TENM4: variants seen among roughly 807,000 people sequenced by gnomAD.
The protein encoded by TENM4 is teneurin-4.
Under a neutral mutation model 243.3 loss-of-function variants are expected in TENM4, and 82 were observed. That is an observed-to-expected ratio of 0.34 (90% confidence interval 0.28 to 0.40). The LOEUF (loss-of-function observed/expected upper bound fraction) is 0.40, where lower values mean the gene tolerates loss of function less well. Ranked by LOEUF, TENM4 falls within the 10% of genes least tolerant of loss-of-function variation. TENM4 has a pLI of 1.00. For synonymous variants in TENM4, 1,412 were observed against 1,456.3 expected (o/e 0.97, Z 0.69); for missense variants, 3,138 against 3,673.3 (o/e 0.85, Z 3.77).
chr11:78,993,368 G>A (rs1189938369), intron 6 of TENM4, among the ~76,000 whole-genome samples: 2 of 152,108 alleles, frequency 1.3e-5, no homozygotes, highest in Non-Finnish European at 2.9e-5. Flanking sequence ...TTACGGTTTT[G>A]TGTTTATTCC....
At chr11:79,063,331 C>CA in intron 6 of TENM4, among the ~76,000 whole-genome samples, 1 of 152,284 alleles carries the variant, frequency 6.6e-6, no homozygotes, top group African/African-American at 2.4e-5. Flanking sequence ...AGGGGAATCC[C>CA]GGGCAGGAAT....
intron 20 of TENM4, among the ~76,000 whole-genome samples, chr11:78,737,751 A>G (rs74725190): frequency 0.013 from 2,047 of 152,294 alleles, 23 homozygotes; most frequent in Non-Finnish European, 0.02. Flanking sequence ...AATAGCTAAT[A>G]TTTATTGTAT....
At chr11:78,830,703 C>A (rs1436281771) in intron 12 of TENM4, among the ~76,000 whole-genome samples, 1 of 152,168 alleles carries the variant, frequency 6.6e-6, no homozygotes, top group Non-Finnish European at 1.5e-5. Context: ...CTGAGTGTAA[C>A]CTCGCTTTCC....
chr11:78,944,355 C>A (rs1856968466), intron 6 of TENM4, among the ~76,000 whole-genome samples: 2 of 152,174 alleles, frequency 1.3e-5, no homozygotes, highest in Non-Finnish European at 2.9e-5. Context: ...TGATGAAGAT[C>A]ATTTTCCCTA....
At chr11:79,356,081 G>A (rs1303050914) in intron 1 of TENM4, among the ~76,000 whole-genome samples, 1 of 152,172 alleles carries the variant, frequency 6.6e-6, no homozygotes, top group East Asian at 1.9e-4. Flanking sequence ...CTCATCAGTG[G>A]TCAGGATGAT....
chr11:79,152,111 A>G lies in TENM4; in HGVS notation c.-162-3305T>C, dbSNP rs574082129. ...TTCCATCCTCTCTCCACTCCTCAAA[A>G]TTGAGGACTAGAAAAGAAACGCAAT... On this transcript the variant is annotated intron_variant, in intron 3 of 33. Transcript: ENST00000278550. Among the ~76,000 whole-genome samples the G allele has an allele frequency of 2.0e-5, 3 of 152,232 alleles. No individual in the cohort carries two copies. The South Asian group carries it at 6.2e-4, about 32-fold the overall frequency.
rs535493805 is a variant in TENM4 at position 78,770,238 on chromosome 11, A to T, written c.2539+754T>A. On this transcript the variant is annotated intron_variant, in intron 18 of 33. Coordinates refer to ENST00000278550, the MANE Select transcript of TENM4 (RefSeq NM_001098816.3). The stretch of plus-strand genomic sequence containing the variant: ...ATTATGGTTGTATTTACCCAAGTGA[A>T]TGCAACAGAAAAATGAAGGCTAATT... 1.2e-4 allele frequency among the ~76,000 whole-genome samples: 18 copies of T among 152,320 alleles called. 1 individual carries two copies. In the South Asian group the frequency reaches 3.7e-3, roughly 32 times the overall value.
intron 1 of TENM4, among the ~76,000 whole-genome samples, chr11:79,427,253 T>C (rs753313020): frequency 3.9e-5 from 6 of 152,154 alleles, no homozygotes; most frequent in Non-Finnish European, 7.3e-5. Context: ...AGCTGCATTA[T>C]CTTTGACCTA....
At chr11:78,676,594 T>A (rs1445250955) in intron 29 of TENM4, among the ~76,000 whole-genome samples, 3 of 152,234 alleles carry the variant, frequency 2.0e-5, no homozygotes, top group Non-Finnish European at 4.4e-5. Context: ...ATATTTTGTA[T>A]GTTTGTAGAT....
chr11:79,390,647 C>T (rs1217017101), intron 1 of TENM4, among the ~76,000 whole-genome samples: 1 of 152,152 alleles, frequency 6.6e-6, no homozygotes, highest in Non-Finnish European at 1.5e-5. Context: ...GGCATATAAC[C>T]TAGAGATCGG....
chr11:78,676,043 T>C, intron 30 of TENM4, 109 bp downstream of exon 30: 2 of 1,073,668 alleles, frequency 1.9e-6, no homozygotes, highest in South Asian at 1.9e-5. Context: ...TTCTCCCCTT[T>C]TGCAGATGAG....
At chr11:78,949,527 G>A (rs1482255457) in intron 6 of TENM4, among the ~76,000 whole-genome samples, 1 of 152,342 alleles carries the variant, frequency 6.6e-6, no homozygotes, top group East Asian at 1.9e-4. Flanking sequence ...AATATTAGAA[G>A]TTATCTTTAA....
At chr11:78,776,651 TATC>T (rs996607991) in intron 17 of TENM4, among the ~76,000 whole-genome samples, 2 of 152,190 alleles carry the variant, frequency 1.3e-5, no homozygotes, top group Admixed American at 6.5e-5. Flanking sequence ...TATACCAAAA[TATC>T]AGCCAGATGA....
chr11:78,997,199 T>TTCA (rs1858197714), intron 6 of TENM4, among the ~76,000 whole-genome samples: 1 of 152,212 alleles, frequency 6.6e-6, no homozygotes, highest in Admixed American at 6.5e-5. Context: ...AGTGACAGAC[T>TTCA]TCATCATTAG....
At chr11:79,086,651 T>C (rs1481405597) in intron 4 of TENM4, among the ~76,000 whole-genome samples, 1 of 151,992 alleles carries the variant, frequency 6.6e-6, no homozygotes, top group Non-Finnish European at 1.5e-5. Flanking sequence ...CTGGCCAACA[T>C]GGTGAAACCT....
At chr11:79,221,425 G>A (rs980523482) in intron 2 of TENM4, among the ~76,000 whole-genome samples, 3 of 151,228 alleles carry the variant, frequency 2.0e-5, no homozygotes, top group Admixed American at 2.0e-4. Flanking sequence ...TGCTGCTTGT[G>A]GACTCAAAGA....
chr11:79,160,569 C>T (rs149819961), intron 3 of TENM4, among the ~76,000 whole-genome samples: 160 of 152,158 alleles, frequency 1.1e-3, no homozygotes, highest in African/African-American at 3.5e-3. Context: ...GAAGAAAAAG[C>T]GGCCCATCTC....
At chr11:79,367,517 CAT>C (rs1857700129) in intron 1 of TENM4, among the ~76,000 whole-genome samples, 4 of 152,150 alleles carry the variant, frequency 2.6e-5, no homozygotes, top group Non-Finnish European at 5.9e-5. Flanking sequence ...CTCTGATGCA[CAT>C]ATGTTATTGA....
chr11:79,265,828 A>G (rs183945867), intron 2 of TENM4, among the ~76,000 whole-genome samples: 186 of 152,268 alleles, frequency 1.2e-3, no homozygotes, highest in African/African-American at 4.2e-3. Flanking sequence ...AGGTTATGCT[A>G]TCTGTTCCCG....
Sources: gnomAD v4.1 joint callset for allele counts (sites outside exome capture counted in the v4.1 genomes callset) on GRCh38, gnomAD v4.1.1 for gene constraint, MANE v1.5 for transcripts, NCBI Gene and HGNC (gene_info 2026-07-23, HGNC 2026-07-21) for gene names.